Variants in SCAMP1 observed in about 807,000 individuals in gnomAD.
SCAMP1 encodes secretory carrier-associated membrane protein 1.
Under a neutral mutation model 41.8 loss-of-function variants are expected in SCAMP1, and 15 were observed. The ratio of observed to expected loss-of-function variants is 0.36; its 90% CI spans 0.24 to 0.55. The LOEUF is 0.55. Among genes scored for constraint, SCAMP1 ranks in the 20% least tolerant of loss-of-function variants. SCAMP1 has a pLI of 0.86. For synonymous variants in SCAMP1, 135 were observed against 136.8 expected, an observed-to-expected ratio of 0.99 and a Z score of 0.09; for missense variants, 341 against 412.6, an observed-to-expected ratio of 0.83 and a Z score of 1.50.
chr5:78,376,312 T>C (rs1751064239), intron 1 of SCAMP1, among the ~76,000 whole-genome samples: 1 of 152,234 alleles, frequency 6.6e-6, no homozygotes, highest in African/African-American at 2.4e-5. Context: ...AAATCTAATG[T>C]ATTTTATACT....
At chr5:78,446,303 T>C (rs1189298302) in intron 6 of SCAMP1, among the ~76,000 whole-genome samples, 1 of 152,238 alleles carries the variant, frequency 6.6e-6, no homozygotes, top group Non-Finnish European at 1.5e-5. Context: ...CTAATAGATT[T>C]CTTAACTAGA....
chr5:78,367,310 C>T (rs992627980), intron 1 of SCAMP1, among the ~76,000 whole-genome samples: 2 of 152,096 alleles, frequency 1.3e-5, no homozygotes, highest in African/African-American at 4.8e-5. Context: ...TATTTGCTCA[C>T]GATTCTGTTA....
At chr5:78,400,191 C>G (rs745682144) in intron 2 of SCAMP1, among the ~76,000 whole-genome samples, 5 of 152,172 alleles carry the variant, frequency 3.3e-5, no homozygotes, top group Non-Finnish European at 5.9e-5. Flanking sequence ...TTATGTGGGT[C>G]TATTTTTGGG....
At chr5:78,412,749 A>C (rs1321711331) in intron 2 of SCAMP1, among the ~76,000 whole-genome samples, 2 of 151,932 alleles carry the variant, frequency 1.3e-5, no homozygotes, top group Non-Finnish European at 2.9e-5. Flanking sequence ...ATTAGTTTGT[A>C]TTTTCATGGA....
At chr5:78,404,453 G>GTTTTTTTTTGTTTTTTT (rs1751880766) in intron 2 of SCAMP1, among the ~76,000 whole-genome samples, 1 of 98,180 alleles carries the variant, frequency 1.0e-5, no homozygotes, top group African/African-American at 4.5e-5. Context: ...AGCCTTACAG[G>GTTTTTTTTTGTTTTTTT]TTTTTTTTTT....
intron 6 of SCAMP1, among the ~76,000 whole-genome samples, chr5:78,439,591 G>T (rs957656050): frequency 6.6e-6 from 1 of 152,188 alleles, no homozygotes; most frequent in Non-Finnish European, 1.5e-5. Context: ...TCTGCTGTTA[G>T]TCTGATGGGC....
At chr5:78,368,926 A>G (rs941334674) in intron 1 of SCAMP1, among the ~76,000 whole-genome samples, 3 of 152,008 alleles carry the variant, frequency 2.0e-5, no homozygotes, top group African/African-American at 4.8e-5. Context: ...AAAATCTGCT[A>G]CCATGGCCTG....
At chr5:78,375,524 T>A (rs1473571094) in intron 1 of SCAMP1, among the ~76,000 whole-genome samples, 1 of 152,198 alleles carries the variant, frequency 6.6e-6, no homozygotes, top group Non-Finnish European at 1.5e-5. Flanking sequence ...TTTGAATCTG[T>A]AGCCTTCAAT....
At chr5:78,394,758 C>A (rs1206919247) in intron 2 of SCAMP1, among the ~76,000 whole-genome samples, 4 of 152,136 alleles carry the variant, frequency 2.6e-5, no homozygotes, top group Non-Finnish European at 5.9e-5. Context: ...CCTTCTGGAA[C>A]CTCTTTGTTT....
At chr5:78,387,620 CTG>C (rs1751376614) in intron 1 of SCAMP1, among the ~76,000 whole-genome samples, 1 of 152,124 alleles carries the variant, frequency 6.6e-6, no homozygotes. Flanking sequence ...TCAAGGGCTG[CTG>C]TTCAGTTTCT....
chr5:78,429,019 G>C (rs1036065078), intron 6 of SCAMP1, among the ~76,000 whole-genome samples: 1 of 152,002 alleles, frequency 6.6e-6, no homozygotes, highest in African/African-American at 2.4e-5. Context: ...TGCATGTGCT[G>C]GTGCACATGC....
At chr5:78,396,992 C>T (rs971398556) in intron 2 of SCAMP1, among the ~76,000 whole-genome samples, 6 of 152,040 alleles carry the variant, frequency 3.9e-5, no homozygotes, top group Non-Finnish European at 8.8e-5. Flanking sequence ...ATAGACAACT[C>T]TTCATAGGAT....
chr5:78,416,775 T>C (rs1325252153), intron 4 of SCAMP1, 126 bp downstream of exon 4: 3 of 648,294 alleles, frequency 4.6e-6, no homozygotes, highest in Non-Finnish European at 7.9e-6. Flanking sequence ...AACAAGGAGA[T>C]CAGACACAGC....
intron 2 of SCAMP1, among the ~76,000 whole-genome samples, chr5:78,402,918 C>CTGGA (rs1351268613): frequency 1.3e-5 from 2 of 152,160 alleles, no homozygotes; most frequent in African/African-American, 4.8e-5. Context: ...GTCACCCAGG[C>CTGGA]TGGAGTGCAG....
In SCAMP1 at chr5:78,430,255, A is replaced by T. The variant is rs1052473955; in HGVS notation, c.632+8295A>T. ...AAATACAGTATTTATTTATAAATAC[A>T]GTATTTATTTATAAATAAATAGTAT... On this transcript the variant is annotated intron_variant, in intron 6 of 8. Coordinates refer to ENST00000621999, the MANE Select transcript of SCAMP1 (RefSeq NM_004866.6). Among the ~76,000 whole-genome samples the T allele has an allele frequency of 9.2e-4, 78 of 84,806 alleles. 2 individuals are homozygous for T. In the East Asian group the frequency reaches 9.9e-3, roughly 11 times the overall value. The allele number at this position is 84,806 out of a possible 152,430, so 55.6% of individuals were successfully genotyped here.
chr5:78,449,286 C>T (rs75934706), intron 6 of SCAMP1, among the ~76,000 whole-genome samples: 1,705 of 152,148 alleles, frequency 0.011, 39 homozygotes, highest in African/African-American at 0.039. Flanking sequence ...GGTATATTTA[C>T]ACAGTGGAAT....
chr5:78,456,466 A>G (rs1031521449), intron 7 of SCAMP1, among the ~76,000 whole-genome samples: 53 of 151,832 alleles, frequency 3.5e-4, no homozygotes, highest in African/African-American at 1.2e-3. Flanking sequence ...CTGGATATGA[A>G]ATTCTGGGTT....
intron 2 of SCAMP1, among the ~76,000 whole-genome samples, chr5:78,414,772 T>G (rs1376349449): frequency 6.6e-6 from 1 of 152,120 alleles, no homozygotes; most frequent in Non-Finnish European, 1.5e-5. Context: ...GGGTAATTTA[T>G]TTTCTCTCTC....
At chr5:78,433,908 T>G (rs1478073229) in intron 6 of SCAMP1, among the ~76,000 whole-genome samples, 2 of 152,206 alleles carry the variant, frequency 1.3e-5, no homozygotes. Flanking sequence ...AATAGATATA[T>G]TCCTGTCCCA....
Sources: allele counts gnomAD v4.1 joint callset (sites outside exome capture counted in the v4.1 genomes callset), GRCh38; gene constraint gnomAD v4.1.1; transcripts MANE v1.5; gene names NCBI Gene and HGNC (gene_info 2026-07-23, HGNC 2026-07-21).